The following AGAP1 variants were observed in gnomAD, a reference collection of about 807,000 sequenced individuals.
AGAP1 encodes the protein ArfGAP with GTPase domain, ankyrin repeat and PH domain 1.
Under a neutral mutation model 105.3 loss-of-function variants are expected in AGAP1, and 29 were observed. The observed-to-expected ratio is 0.28, with a 90% CI of 0.21 to 0.38. The LOEUF (loss-of-function observed/expected upper bound fraction) is 0.38, where lower values mean the gene tolerates loss of function less well. AGAP1 is among the 10% of genes least tolerant of loss of function. AGAP1 has a pLI of 1.00. For synonymous variants in AGAP1, 509 were observed against 485.9 expected (o/e 1.05, Z -0.63); for missense variants, 998 against 1,165.1 (o/e 0.86, Z 2.09).
chr2:235,571,306 A>C (rs1001831301), intron 1 of AGAP1, among the ~76,000 whole-genome samples: 2 of 152,254 alleles, frequency 1.3e-5, no homozygotes, highest in Non-Finnish European at 2.9e-5. Flanking sequence ...TCTTATGCAT[A>C]GTAAAACATT....
At chr2:235,727,928 G>A (rs1369320983) in intron 3 of AGAP1, among the ~76,000 whole-genome samples, 1 of 152,160 alleles carries the variant, frequency 6.6e-6, no homozygotes, top group Non-Finnish European at 1.5e-5. Context: ...AGAATGGAGA[G>A]ATTGACACTT....
chr2:235,826,777 T>G (rs970429428), intron 9 of AGAP1, among the ~76,000 whole-genome samples: 1 of 152,178 alleles, frequency 6.6e-6, no homozygotes, highest in African/African-American at 2.4e-5. Context: ...TTTTGCAACA[T>G]TAGCCACCCT....
intron 1 of AGAP1, chr2:235,505,746 G>A (rs1941774987): frequency 6.6e-6 from 1 of 151,932 alleles, no homozygotes. Context: ...CCAGGCTAGT[G>A]GGTACTAGGA....
At chr2:236,028,012 G>C (rs1373583056) in intron 13 of AGAP1, among the ~76,000 whole-genome samples, 1 of 152,126 alleles carries the variant, frequency 6.6e-6, no homozygotes, top group African/African-American at 2.4e-5. Context: ...TCCAGGTTTA[G>C]AGTTATTGCA....
chr2:235,686,665 ATTTT>A (rs1200927776), intron 1 of AGAP1, among the ~76,000 whole-genome samples: 21 of 77,500 alleles, frequency 2.7e-4, no homozygotes, highest in African/African-American at 1.3e-3. Flanking sequence ...ATATATATAT[ATTTT>A]TTTTTTTTTT....
chr2:236,016,305 C>T (rs897826404), intron 13 of AGAP1, among the ~76,000 whole-genome samples: 2 of 150,566 alleles, frequency 1.3e-5, no homozygotes, highest in Non-Finnish European at 2.9e-5. Flanking sequence ...CTCTTTTCAC[C>T]GTTTTTTAAA....
rs1553647103 is a variant in AGAP1, at chr2:235,842,719, G to GC, written c.1050+35388_1050+35389insC. Among the ~76,000 whole-genome samples the GC allele has an allele frequency of 3.3e-5, 5 of 151,420 alleles. No homozygotes were observed. Among genetic ancestry groups the GC allele is most frequent in the African/African-American group, 1.2e-4 (5 of 40,964 alleles). On this transcript the variant is annotated intron_variant, in intron 9 of 17. Transcript: ENST00000304032. The surrounding 1 kb of genome is among the most constrained non-coding windows in gnomAD (Gnocchi z 5.3). ...AGTTTTCATCCCATGTGTCAGGTTT[G>GC]TTTTTTTTGTTTTGTTTTGTTTTTT...
rs146361476 is a variant in AGAP1, at chr2:235,950,174, C to T, written c.1484-18288C>T. Reference sequence around the variant, plus strand: ...AAAAGTCTAGCCTGGGTTACGGCCCCAGTGATCCTGGACAAATTTGGAGTA... The same window carrying T: ...AAAAGTCTAGCCTGGGTTACGGCCCTAGTGATCCTGGACAAATTTGGAGTA... On this transcript the variant is annotated intron_variant, in intron 12 of 17. Transcript: ENST00000304032. Among the ~76,000 whole-genome samples, 165 of 152,242 alleles carry T rather than the reference C, an allele frequency of 1.1e-3. 1 individual carries two copies. Among genetic ancestry groups the T allele is most frequent in the African/African-American group, 3.8e-3 (157 of 41,536 alleles).
rs183397385 is a variant in AGAP1 at position 235,815,311 on chromosome 2, C to T, written c.1050+7980C>T. ...AGAGCCTGTTTCTGGAGAGCCCTCTCCTTGGCTTGAGCCTGTTGCCTTCTT... is the reference window on the plus strand; with the variant it reads ...AGAGCCTGTTTCTGGAGAGCCCTCTTCTTGGCTTGAGCCTGTTGCCTTCTT... On this transcript the variant is annotated intron_variant, in intron 9 of 17. Transcript: ENST00000304032. Among the ~76,000 whole-genome samples the T allele has an allele frequency of 1.9e-3, 293 of 152,306 alleles. 2 individuals are homozygous for T. Among genetic ancestry groups the T allele is most frequent in the African/African-American group, 6.6e-3 (276 of 41,564 alleles).
Position 235,962,908 on chromosome 2 carries a change from A to G in AGAP1, c.1484-5554A>G, listed in dbSNP as rs866565782. Reference sequence around the variant, plus strand: ...GCACCTCCACTCCACCCAGTTTGATACCCAGAAACGTCTCCAGCCATTGCC... The same window carrying G: ...GCACCTCCACTCCACCCAGTTTGATGCCCAGAAACGTCTCCAGCCATTGCC... On this transcript the variant is annotated intron_variant, in intron 12 of 17. Transcript: ENST00000304032. This position sits in a 1 kb window ranked among gnomAD's most constrained non-coding sequence, Gnocchi z 5.3. Among the ~76,000 whole-genome samples, 2 of 152,040 alleles carry G rather than the reference A, an allele frequency of 1.3e-5. No individual in the cohort carries two copies. The highest frequency in any genetic ancestry group is 2.1e-4 in the South Asian group (1 of 4,818).
chr2:236,060,215 T>C (rs1459602223), intron 16 of AGAP1, among the ~76,000 whole-genome samples: 1 of 152,190 alleles, frequency 6.6e-6, no homozygotes, highest in Non-Finnish European at 1.5e-5. Context: ...TAGGCAGTGG[T>C]TTCTTAGATA....
At chr2:236,070,535 A>G (rs2058468602) in intron 16 of AGAP1, among the ~76,000 whole-genome samples, 1 of 152,266 alleles carries the variant, frequency 6.6e-6, no homozygotes. Context: ...ACACAGTGGA[A>G]ACAAACTAAA....
chr2:235,764,174 C>G (rs1954717620), intron 6 of AGAP1, among the ~76,000 whole-genome samples: 1 of 152,218 alleles, frequency 6.6e-6, no homozygotes, highest in Admixed American at 6.5e-5. Context: ...CACATGAGCA[C>G]CTTACAGACA....
intron 2 of AGAP1, among the ~76,000 whole-genome samples, chr2:235,713,676 AC>A (rs1950958802): frequency 1.3e-5 from 2 of 152,182 alleles, no homozygotes; most frequent in African/African-American, 2.4e-5. Flanking sequence ...GAGGAAAGGC[AC>A]CCAGTTGAGG....
At chr2:235,604,931 A>G (rs1447032914) in intron 1 of AGAP1, among the ~76,000 whole-genome samples, 2 of 151,244 alleles carry the variant, frequency 1.3e-5, no homozygotes, top group Non-Finnish European at 2.9e-5. Flanking sequence ...CCCGGGCTGG[A>G]GGGCAGTGGC....
At chr2:236,011,848 G>A (rs1045744420) in intron 13 of AGAP1, among the ~76,000 whole-genome samples, 1 of 152,062 alleles carries the variant, frequency 6.6e-6, no homozygotes. Flanking sequence ...GCCAGTGGTG[G>A]GCAGTGGCTG....
chr2:235,915,264 A>G (rs1228534907), intron 11 of AGAP1, among the ~76,000 whole-genome samples: 3 of 152,220 alleles, frequency 2.0e-5, no homozygotes, highest in Non-Finnish European at 4.4e-5. Flanking sequence ...AGGATAACTG[A>G]TCTTAGTAAG....
intron 16 of AGAP1, among the ~76,000 whole-genome samples, chr2:236,094,358 A>T (rs970108879): frequency 7.3e-5 from 11 of 150,530 alleles, no homozygotes; most frequent in Non-Finnish European, 3.0e-5. Flanking sequence ...AAGAGCTGAG[A>T]ATTTTTTTTT....
rs1339532550 is a variant in AGAP1 at position 235,566,182 on chromosome 2, C to A, written c.163+71333C>A. 1.3e-5 allele frequency among the ~76,000 whole-genome samples: 2 copies of A among 152,212 alleles called. No homozygotes were observed. Among genetic ancestry groups the A allele is most frequent in the East Asian group, 3.9e-4 (2 of 5,168 alleles). On this transcript the variant is annotated intron_variant, in intron 1 of 17. Transcript: ENST00000304032. This position sits in a 1 kb window ranked among gnomAD's most constrained non-coding sequence, Gnocchi z 5.2. ...CCTCGGCTCACTGCAACCTCTGCCT[C>A]CCGGATTCAAGTGATTCTGCTCCCT... is the stretch of plus-strand genomic sequence containing the variant.
Sources: allele counts gnomAD v4.1 joint callset (sites outside exome capture counted in the v4.1 genomes callset), GRCh38; gene constraint gnomAD v4.1.1; non-coding constraint Gnocchi (gnomAD v3.1); transcripts MANE v1.5; gene names NCBI Gene and HGNC (gene_info 2026-07-23, HGNC 2026-07-21).